The following PDZRN4 variants were observed in gnomAD, a reference collection of about 807,000 sequenced individuals.
PDZRN4 encodes the protein PDZ domain containing ring finger 4, also known as PDZ domain-containing RING finger protein 4.
A neutral mutation model predicts 99.0 loss-of-function variants in PDZRN4; 70 were observed. That is an observed-to-expected ratio of 0.71 (90% CI 0.58 to 0.86). PDZRN4 has a LOEUF of 0.86. PDZRN4 is among the 40% of genes least tolerant of loss of function. PDZRN4 has a pLI of 0.00. For synonymous variants in PDZRN4, 551 were observed against 501.6 expected (o/e 1.10, Z -1.32); for missense variants, 1,474 against 1,331.2 (o/e 1.11, Z -1.67).
intron 3 of PDZRN4, among the ~76,000 whole-genome samples, chr12:41,282,586 A>C (rs1190778432): frequency 1.3e-5 from 2 of 152,184 alleles, no homozygotes; most frequent in Non-Finnish European, 2.9e-5. Flanking sequence ...TCAGCACCAC[A>C]TTGCACTTAT....
Position 41,506,671 on chromosome 12 carries a change from C to A in PDZRN4, c.1059C>A (p.Thr353=), listed in dbSNP as rs781496524. Reference sequence around the variant, plus strand: ...CTCTGGCCAAGCTTCGTCCACCTACCCCTCCAGTGCCAGACATCTGTCCAT... The same window carrying A: ...CTCTGGCCAAGCTTCGTCCACCTACACCTCCAGTGCCAGACATCTGTCCAT... The part of the protein sequence containing the change: ...IMALAKLRPP[T]PPVPDICPFL... The change falls in exon 4 of 10, where the codon ACC becomes ACA. Residue 353 remains threonine, a synonymous_variant. Coordinates refer to ENST00000402685, the MANE Select transcript of PDZRN4 (RefSeq NM_001164595.2). The A allele has an allele frequency of 3.1e-6, 5 of 1,613,546 alleles. No homozygotes were observed. Among genetic ancestry groups the A allele is most frequent in the African/African-American group, 1.3e-5 (1 of 74,892 alleles).
At chr12:41,362,664 A>G (rs1164705314) in intron 3 of PDZRN4, among the ~76,000 whole-genome samples, 1 of 152,064 alleles carries the variant, frequency 6.6e-6, no homozygotes, top group Non-Finnish European at 1.5e-5. Flanking sequence ...TCAAGGAGAT[A>G]CATAGGTCTC....
At chr12:41,207,464 A>G (rs985960864) in intron 3 of PDZRN4, among the ~76,000 whole-genome samples, 2 of 151,844 alleles carry the variant, frequency 1.3e-5, no homozygotes, top group African/African-American at 4.8e-5. Context: ...TATTCTAGGC[A>G]TATTTATATA....
intron 3 of PDZRN4, among the ~76,000 whole-genome samples, chr12:41,268,564 G>A (rs1951294525): frequency 6.6e-6 from 1 of 152,176 alleles, no homozygotes; most frequent in African/African-American, 2.4e-5. Context: ...ATTATTTCCA[G>A]ATACGAAAAA....
intron 7 of PDZRN4, among the ~76,000 whole-genome samples, chr12:41,556,264 A>G (rs1341348919): frequency 6.6e-6 from 1 of 152,252 alleles, no homozygotes; most frequent in Non-Finnish European, 1.5e-5. Flanking sequence ...ATGAAAGTCT[A>G]GAAGTTTGAA....
chr12:41,277,695 A>G (rs139596720), intron 3 of PDZRN4, among the ~76,000 whole-genome samples: 9 of 152,256 alleles, frequency 5.9e-5, no homozygotes, highest in Middle Eastern at 3.4e-3. Context: ...CTAACCTCCA[A>G]CTGAAATAAG....
At chr12:41,205,676 C>T (rs4768334) in intron 3 of PDZRN4, among the ~76,000 whole-genome samples, 62,927 of 151,736 alleles carry the variant, frequency 0.41, 15,168 homozygotes, top group Admixed American at 0.56. Flanking sequence ...TCTAATCCCA[C>T]GTGATGCTCT....
chr12:41,191,741 AGATTT>A (rs1453022873), intron 2 of PDZRN4, among the ~76,000 whole-genome samples, 197 bp downstream of exon 2: 1 of 146,966 alleles, frequency 6.8e-6, no homozygotes, highest in African/African-American at 2.5e-5. Context: ...GTACATACCC[AGATTT>A]TATTTATTTA....
At chr12:41,382,559 A>G (rs1365338820) in intron 3 of PDZRN4, among the ~76,000 whole-genome samples, 1 of 152,194 alleles carries the variant, frequency 6.6e-6, no homozygotes, top group African/African-American at 2.4e-5. Flanking sequence ...CTTAGCCCTT[A>G]TACAGAAGAG....
At chr12:41,477,216 T>C (rs948409123) in intron 3 of PDZRN4, among the ~76,000 whole-genome samples, 1 of 152,190 alleles carries the variant, frequency 6.6e-6, no homozygotes, top group Non-Finnish European at 1.5e-5. Flanking sequence ...TTAATGCAAG[T>C]ATAATGATTC....
intron 3 of PDZRN4, among the ~76,000 whole-genome samples, chr12:41,382,733 T>C (rs10880069): frequency 0.016 from 2,400 of 152,316 alleles, 58 homozygotes; most frequent in East Asian, 0.09. Flanking sequence ...AATGCACTGA[T>C]CTTTTTTCAT....
At chr12:41,269,731 G>A (rs544375707) in intron 3 of PDZRN4, among the ~76,000 whole-genome samples, 5 of 152,076 alleles carry the variant, frequency 3.3e-5, no homozygotes, top group Non-Finnish European at 5.9e-5. Flanking sequence ...AGACTGTGTT[G>A]TTTCTTGAGG....
chr12:41,492,483 T>C (rs941233936), intron 3 of PDZRN4, among the ~76,000 whole-genome samples: 1 of 152,172 alleles, frequency 6.6e-6, no homozygotes, highest in Non-Finnish European at 1.5e-5. Flanking sequence ...AAAGCCATCA[T>C]GTTGCTGCAA....
intron 3 of PDZRN4, among the ~76,000 whole-genome samples, chr12:41,230,997 C>T (rs1378966296): frequency 6.6e-6 from 1 of 152,054 alleles, no homozygotes; most frequent in Non-Finnish European, 1.5e-5. Context: ...AAGTAATTCC[C>T]ATCACTTCCC....
intron 3 of PDZRN4, among the ~76,000 whole-genome samples, chr12:41,326,416 A>G (rs1301641239): frequency 1.3e-5 from 2 of 152,200 alleles, no homozygotes; most frequent in African/African-American, 4.8e-5. Flanking sequence ...GTTATGATCC[A>G]CTAAATAAAC....
intron 3 of PDZRN4, among the ~76,000 whole-genome samples, chr12:41,316,309 C>A (rs1181957048): frequency 6.6e-6 from 1 of 151,992 alleles, no homozygotes; most frequent in Non-Finnish European, 1.5e-5. Context: ...GATAGGGAAG[C>A]AATGAGGAAG....
chr12:41,211,574 T>C (rs1273412107), intron 3 of PDZRN4, among the ~76,000 whole-genome samples: 1 of 151,970 alleles, frequency 6.6e-6, no homozygotes, highest in Non-Finnish European at 1.5e-5. Flanking sequence ...AGATATGATC[T>C]TAATCAGAAA....
At chr12:41,521,518 C>T (rs754096317) in intron 5 of PDZRN4, among the ~76,000 whole-genome samples, 8 of 151,994 alleles carry the variant, frequency 5.3e-5, no homozygotes, top group Non-Finnish European at 8.8e-5. Flanking sequence ...GGATTAAAAA[C>T]GATTACATCA....
intron 3 of PDZRN4, among the ~76,000 whole-genome samples, chr12:41,277,235 C>G (rs117218469): frequency 0.011 from 1,733 of 152,168 alleles, 53 homozygotes; most frequent in East Asian, 0.097. Context: ...TGGCAGAGTA[C>G]GCAAGCATCT....
Sources: allele counts gnomAD v4.1 joint callset (sites outside exome capture counted in the v4.1 genomes callset), GRCh38; gene constraint gnomAD v4.1.1; transcripts MANE v1.5; gene names NCBI Gene and HGNC (gene_info 2026-07-23, HGNC 2026-07-21).